The following FHIT variants were observed in gnomAD, a reference collection of about 807,000 sequenced individuals.
FHIT encodes fragile histidine triad diadenosine triphosphatase, also known as bis(5'-adenosyl)-triphosphatase.
FHIT carries 19 observed loss-of-function variants against 17.9 expected under a neutral mutation model. That is an observed-to-expected ratio of 1.06 (90% CI 0.74 to 1.56). The LOEUF (loss-of-function observed/expected upper bound fraction) is 1.56. FHIT is among the 40% of genes most tolerant of loss of function. The pLI, the probability that FHIT is intolerant of heterozygous loss-of-function variation, is 0.00. For missense variants in FHIT, 248 were observed against 189.2 expected, an observed-to-expected ratio of 1.31 and a Z score of -1.82; for synonymous variants, 81 against 69.7, an observed-to-expected ratio of 1.16 and a Z score of -0.81.
At chr3:60,160,591 G>A (rs1319050398) in intron 5 of FHIT, among the ~76,000 whole-genome samples, 1 of 152,156 alleles carries the variant, frequency 6.6e-6, no homozygotes, top group Non-Finnish European at 1.5e-5. Flanking sequence ...TTACACAATC[G>A]AGTAGAGAAA....
At chr3:60,078,119 G>A (rs1239282980) in intron 5 of FHIT, among the ~76,000 whole-genome samples, 2 of 152,038 alleles carry the variant, frequency 1.3e-5, no homozygotes, top group African/African-American at 4.8e-5. Flanking sequence ...GTAAGAATCA[G>A]TAGTAGTGAA....
chr3:59,991,418 C>G (rs756869317), intron 7 of FHIT, among the ~76,000 whole-genome samples: 15 of 152,078 alleles, frequency 9.9e-5, no homozygotes, highest in Non-Finnish European at 2.1e-4. Flanking sequence ...TGATAGACAT[C>G]TAGTTCTACT....
chr3:61,198,053 T>G (rs561952029), intron 2 of FHIT, among the ~76,000 whole-genome samples: 11 of 152,220 alleles, frequency 7.2e-5, no homozygotes, highest in African/African-American at 2.6e-4. Flanking sequence ...AAGAAAGTAA[T>G]GAGTGGCATT....
intron 4 of FHIT, among the ~76,000 whole-genome samples, chr3:60,542,172 A>G (rs533695572): frequency 2.0e-5 from 3 of 152,292 alleles, no homozygotes; most frequent in South Asian, 4.1e-4. Context: ...TTGTTTTAGA[A>G]ATTTATCCAT....
intron 4 of FHIT, among the ~76,000 whole-genome samples, chr3:60,733,390 T>C (rs1323999727): frequency 6.6e-6 from 1 of 152,264 alleles, no homozygotes; most frequent in African/African-American, 2.4e-5. Context: ...ATTTTATTTC[T>C]ATATTCCTGT....
At chr3:60,889,329 G>A (rs922482184) in intron 3 of FHIT, among the ~76,000 whole-genome samples, 10 of 152,280 alleles carry the variant, frequency 6.6e-5, no homozygotes, top group South Asian at 2.1e-4. Context: ...CCAAGTGTGC[G>A]CTCACCATTG....
chr3:59,995,815 A>C (rs1699484236), intron 7 of FHIT, among the ~76,000 whole-genome samples: 1 of 152,208 alleles, frequency 6.6e-6, no homozygotes, highest in African/African-American at 2.4e-5. Context: ...ACTTGCTTAG[A>C]TAGCTTAGGA....
intron 5 of FHIT, among the ~76,000 whole-genome samples, chr3:60,457,259 C>T (rs1172944718): frequency 1.3e-5 from 2 of 151,800 alleles, no homozygotes; most frequent in East Asian, 1.9e-4. Flanking sequence ...CAGAACAGAG[C>T]CCTCAGAAAT....
At chr3:60,075,111 A>G (rs1428102561) in intron 5 of FHIT, among the ~76,000 whole-genome samples, 1 of 152,162 alleles carries the variant, frequency 6.6e-6, no homozygotes, top group Non-Finnish European at 1.5e-5. Context: ...CAAAGTTCCT[A>G]TGACCAGAAA....
chr3:60,089,075 A>G (rs896494139), intron 5 of FHIT, among the ~76,000 whole-genome samples: 1 of 152,210 alleles, frequency 6.6e-6, no homozygotes, highest in African/African-American at 2.4e-5. Context: ...ATCATCATTT[A>G]TGAGACATAG....
At chr3:59,969,482 A>G (rs896789912) in intron 7 of FHIT, among the ~76,000 whole-genome samples, 4 of 151,932 alleles carry the variant, frequency 2.6e-5, no homozygotes, top group African/African-American at 7.3e-5. Flanking sequence ...TTTCACCCCA[A>G]CCTCTGCAGT....
intron 7 of FHIT, among the ~76,000 whole-genome samples, chr3:59,954,173 A>T (rs1707270640): frequency 6.6e-6 from 1 of 151,694 alleles, no homozygotes; most frequent in African/African-American, 2.4e-5. Flanking sequence ...TTACAGCCAC[A>T]ATAATCATGT....
At chr3:60,680,889 A>G (rs1457198702) in intron 4 of FHIT, among the ~76,000 whole-genome samples, 2 of 152,204 alleles carry the variant, frequency 1.3e-5, no homozygotes, top group East Asian at 3.8e-4. Flanking sequence ...TTGTTGAGAA[A>G]ACACTGAAGA....
chr3:59,896,713 C>G (rs1704088624), intron 8 of FHIT, among the ~76,000 whole-genome samples: 1 of 152,074 alleles, frequency 6.6e-6, no homozygotes. Flanking sequence ...CAGTGTGGAC[C>G]AGCATGGCAT....
At chr3:60,514,027 G>T (rs2035051039) in intron 5 of FHIT, among the ~76,000 whole-genome samples, 1 of 152,162 alleles carries the variant, frequency 6.6e-6, no homozygotes, top group African/African-American at 2.4e-5. Context: ...TACTCCAAGG[G>T]AAGATTATCT....
chr3:61,174,525 G>T (rs190213819), intron 2 of FHIT, among the ~76,000 whole-genome samples: 1 of 152,096 alleles, frequency 6.6e-6, no homozygotes, highest in Non-Finnish European at 1.5e-5. Context: ...TACTCTGGGC[G>T]GGGGGGACCT....
intron 8 of FHIT, among the ~76,000 whole-genome samples, chr3:59,868,757 G>A (rs896423559): frequency 2.0e-5 from 3 of 152,190 alleles, no homozygotes; most frequent in African/African-American, 4.8e-5. Flanking sequence ...TGGTGGTGGT[G>A]GCTGGAGGAG....
intron 7 of FHIT, among the ~76,000 whole-genome samples, chr3:59,965,984 T>C (rs1707909158): frequency 6.6e-6 from 1 of 152,140 alleles, no homozygotes; most frequent in South Asian, 2.1e-4. Flanking sequence ...CTAGACTGGA[T>C]GAATAGAAAT....
intron 1 of FHIT, among the ~76,000 whole-genome samples, chr3:61,212,519 C>T (rs546706674): frequency 2.6e-5 from 4 of 152,182 alleles, no homozygotes; most frequent in South Asian, 2.1e-4. Flanking sequence ...ACCAAATCTA[C>T]GTCTGATTGG....
Sources: allele counts gnomAD v4.1 joint callset (sites outside exome capture counted in the v4.1 genomes callset), GRCh38; gene constraint gnomAD v4.1.1; transcripts MANE v1.5; gene names NCBI Gene and HGNC (gene_info 2026-07-23, HGNC 2026-07-21).